LRCH2: variants seen among roughly 807,000 people sequenced by gnomAD.
The protein encoded by LRCH2 is leucine-rich repeat and calponin homology domain-containing protein 2.
A neutral mutation model predicts 68.9 loss-of-function variants in LRCH2; 38 were observed. That is an observed-to-expected ratio of 0.55 (90% CI 0.43 to 0.72). The LOEUF (loss-of-function observed/expected upper bound fraction) is 0.72, where lower values mean the gene tolerates loss of function less well. Among genes scored for constraint, LRCH2 ranks in the 30% least tolerant of loss-of-function variants. The pLI is 0.00. For missense variants in LRCH2, 528 were observed against 572.9 expected (o/e 0.92, Z 0.80); for synonymous variants, 191 against 208.1 (o/e 0.92, Z 0.71).
At chrX:115,194,298 C>T (rs1556562522) in intron 1 of LRCH2, among the ~76,000 whole-genome samples, 1 of 111,821 alleles carries the variant, frequency 8.9e-6, no homozygotes, top group African/African-American at 3.3e-5. Context: ...AATAGAATTA[C>T]TAGAAACCAA....
chrX:115,123,875 A>C, intron 17 of LRCH2, 70 bp downstream of exon 17: 1 of 652,851 alleles, frequency 1.5e-6, no homozygotes, highest in South Asian at 3.0e-5. Flanking sequence ...CTATGGAATC[A>C]ATCCCATTTA....
In LRCH2 at chrX:115,112,273, A is replaced by T. The variant is rs2072049121; in HGVS notation, c.*943T>A. The T allele has an allele frequency of 8.9e-6, 1 of 112,117 alleles. No homozygotes were observed. Among genetic ancestry groups the T allele is most frequent in the South Asian group, 3.7e-4 (1 of 2,717 alleles). 9.2% of individuals were successfully genotyped at this position (112,117 alleles called of 1,213,427 possible). A position where few individuals can be genotyped will look rare whatever the true frequency, so the allele number is the denominator to read the frequency against. ...GCAGTTTTATCAAAATGTCCTTGAT[A>T]ATTAGTACTTCACTAGTTCTCAAAA... On this transcript the variant is annotated 3_prime_UTR_variant, in exon 21 of 21. Transcript: ENST00000317135.
In LRCH2 at chrX:115,233,768, T is replaced by C. The variant is rs782786051; in HGVS notation, c.274A>G (p.Ile92Val). 6.8e-6 allele frequency: 8 copies of C among 1,175,296 alleles called. No homozygotes were observed. In the African/African-American group the frequency reaches 1.4e-4, roughly 21 times the overall value. The change falls in exon 1 of 21, where the codon ATC (isoleucine) becomes GTC (valine). Residue 92 changes from isoleucine to valine, a missense_variant. Coordinates refer to ENST00000317135, the MANE Select transcript of LRCH2 (RefSeq NM_020871.4). The stretch of plus-strand genomic sequence containing the variant: ...AGTTTCCGACCACTGAGGCTCAGGA[T>C]GCCGGAGCTGCCCGCCTCTTCCAGG... ...RALEEAGSSGILSLSGRKLRD... is the reference protein window; with the variant it reads ...RALEEAGSSGVLSLSGRKLRD...
At chrX:115,148,618 T>C (rs930709413) in intron 14 of LRCH2, among the ~76,000 whole-genome samples, 1 of 112,057 alleles carries the variant, frequency 8.9e-6, no homozygotes, top group Non-Finnish European at 1.9e-5. Context: ...CAAGGTCCAA[T>C]GAACTAAAAA....
chrX:115,137,917 C>G (rs1384908862), intron 14 of LRCH2, among the ~76,000 whole-genome samples: 1 of 110,459 alleles, frequency 9.1e-6, no homozygotes, highest in African/African-American at 3.3e-5. Context: ...CCATTGCACC[C>G]CAGCCTGGGT....
intron 15 of LRCH2, among the ~76,000 whole-genome samples, chrX:115,129,215 T>C (rs1172250603): frequency 3.6e-5 from 4 of 110,894 alleles, no homozygotes; most frequent in African/African-American, 1.3e-4. Flanking sequence ...CACTGAAGGC[T>C]TGACAGCTGG....
chrX:115,143,819 G>C (rs782575032), intron 14 of LRCH2, among the ~76,000 whole-genome samples: 2 of 111,982 alleles, frequency 1.8e-5, no homozygotes, highest in South Asian at 7.5e-4. Context: ...TGCAAGCATG[G>C]TTCAACATAT....
chrX:115,153,654 A>T (rs1356036280), intron 12 of LRCH2, among the ~76,000 whole-genome samples: 2 of 111,363 alleles, frequency 1.8e-5, no homozygotes, highest in African/African-American at 6.5e-5. Flanking sequence ...GAAAAAAAAT[A>T]AGTATACTGT....
intron 5 of LRCH2, among the ~76,000 whole-genome samples, chrX:115,178,197 C>A (rs1487019604): frequency 1.8e-5 from 2 of 111,682 alleles, no homozygotes; most frequent in Non-Finnish European, 3.8e-5. Context: ...CGGACTTCTG[C>A]TGATGCAAGT....
chrX:115,192,646 G>A (rs896220757), intron 1 of LRCH2: 4 of 1,167,928 alleles, frequency 3.4e-6, no homozygotes, highest in South Asian at 1.9e-5. Context: ...CAGATACTAA[G>A]CAGGAACAGA....
intron 1 of LRCH2, among the ~76,000 whole-genome samples, chrX:115,212,778 C>G (rs1556570278): frequency 9.2e-6 from 1 of 109,272 alleles, no homozygotes. Flanking sequence ...TGAGACCAGC[C>G]TGGGCAACAT....
intron 1 of LRCH2, chrX:115,192,460 C>G: frequency 2.6e-6 from 3 of 1,169,532 alleles, no homozygotes; most frequent in Non-Finnish European, 3.4e-6. Flanking sequence ...CAGTTACGGC[C>G]GGAGCGACCG....
intron 20 of LRCH2, among the ~76,000 whole-genome samples, chrX:115,119,745 C>T (rs2072119256): frequency 2.3e-5 from 2 of 88,058 alleles, no homozygotes; most frequent in African/African-American, 8.5e-5. Context: ...AAGCTGGAGG[C>T]ATCACACTAC....
rs1290084763 is a variant in LRCH2, at chrX:115,112,182, CTGAG to C, written c.*1030_*1033del. ...AAACCTATTCCTCAACTGCTGCTCT[CTGAG>C]TATAGCTAAAGGCAGCACTGATAGA... On this transcript the variant is annotated 3_prime_UTR_variant, in exon 21 of 21. Transcript: ENST00000317135. 2 of 111,385 alleles carry C rather than the reference CTGAG, an allele frequency of 1.8e-5. No homozygotes were observed. The highest frequency in any genetic ancestry group is 6.5e-5 in the African/African-American group (2 of 30,763). 9.2% of individuals were successfully genotyped at this position (111,385 alleles called of 1,213,427 possible).
At chrX:115,159,873 A>C (rs1228906563) in intron 11 of LRCH2, among the ~76,000 whole-genome samples, 3 of 111,456 alleles carry the variant, frequency 2.7e-5, no homozygotes, top group African/African-American at 9.8e-5. Flanking sequence ...AAACCTTATG[A>C]GTTACCAATT....
chrX:115,118,186 A>C (rs1054565394), intron 20 of LRCH2, among the ~76,000 whole-genome samples: 18 of 110,410 alleles, frequency 1.6e-4, no homozygotes, highest in African/African-American at 5.9e-4. Flanking sequence ...ATCTCTAAAA[A>C]AAGGGTTTTT....
At chrX:115,152,820 T>C (rs1397822467) in intron 12 of LRCH2, among the ~76,000 whole-genome samples, 1 of 110,367 alleles carries the variant, frequency 9.1e-6, no homozygotes, top group Non-Finnish European at 1.9e-5. Flanking sequence ...CACCATCAAA[T>C]TACTTAAAAC....
intron 1 of LRCH2, chrX:115,191,464 C>T (rs1156341761): frequency 3.8e-5 from 43 of 1,142,888 alleles, no homozygotes; most frequent in South Asian, 2.9e-4. Context: ...GTACCGAGGC[C>T]GCTTGCTCGA....
At chrX:115,178,575 T>C (rs1556551588) in intron 5 of LRCH2, among the ~76,000 whole-genome samples, 1 of 112,040 alleles carries the variant, frequency 8.9e-6, no homozygotes, top group African/African-American at 3.2e-5. Context: ...GGTTTGACGC[T>C]GTAAATCAAC....
Sources: gnomAD v4.1 joint callset for allele counts (sites outside exome capture counted in the v4.1 genomes callset) on GRCh38, gnomAD v4.1.1 for gene constraint, MANE v1.5 for transcripts, NCBI Gene and HGNC (gene_info 2026-07-23, HGNC 2026-07-21) for gene names.